KCTD16: variants seen among roughly 807,000 people sequenced by gnomAD.
KCTD16 encodes potassium channel tetramerization domain containing 16.
In KCTD16, 13 loss-of-function variants were observed where a neutral mutation model predicts 33.2. That is an observed-to-expected ratio of 0.39 (90% CI 0.25 to 0.62). The LOEUF (loss-of-function observed/expected upper bound fraction) is 0.62, where lower values mean the gene tolerates loss of function less well. KCTD16 is among the 20% of genes least tolerant of loss of function. KCTD16 has a pLI of 0.50. For synonymous variants in KCTD16, 197 were observed against 195.3 expected (o/e 1.01, Z -0.07); for missense variants, 441 against 525.1 (o/e 0.84, Z 1.57).
intron 2 of KCTD16, among the ~76,000 whole-genome samples, chr5:144,182,172 G>C (rs2126774347): frequency 6.6e-6 from 1 of 151,844 alleles, no homozygotes; most frequent in East Asian, 1.9e-4. Context: ...TGTTAGTTAT[G>C]GCAGGAGTGG....
intron 3 of KCTD16, among the ~76,000 whole-genome samples, chr5:144,272,558 T>C (rs186430587): frequency 6.6e-6 from 1 of 152,230 alleles, no homozygotes; most frequent in East Asian, 1.9e-4. Flanking sequence ...TACTACATGA[T>C]TTCAAAATTT....
intron 3 of KCTD16, among the ~76,000 whole-genome samples, chr5:144,225,765 TA>T (rs1231179068): frequency 6.6e-6 from 1 of 152,206 alleles, no homozygotes; most frequent in Non-Finnish European, 1.5e-5. Context: ...AAACTCTGTT[TA>T]AATCATAAAA....
rs571674651 is a variant in KCTD16 at position 144,278,072 on chromosome 5, G to A, written c.832+70526G>A. ...TTTTCTTTTATGGGCTGTGCTTTTGGTAGTGTATCTAAGAACTCTTTGTCT... is the reference window on the plus strand; with the variant it reads ...TTTTCTTTTATGGGCTGTGCTTTTGATAGTGTATCTAAGAACTCTTTGTCT... On this transcript the variant is annotated intron_variant, in intron 3 of 3. Transcript: ENST00000512467. 1.6e-4 allele frequency among the ~76,000 whole-genome samples: 25 copies of A among 152,226 alleles called. No homozygotes were observed. The South Asian group carries it at 4.8e-3, about 29-fold the overall frequency.
intron 3 of KCTD16, among the ~76,000 whole-genome samples, chr5:144,444,948 AG>A (rs1339284432): frequency 6.7e-6 from 1 of 149,538 alleles, no homozygotes; most frequent in East Asian, 1.9e-4. Flanking sequence ...AATGCTATAT[AG>A]TATTTATAAT....
intron 2 of KCTD16, among the ~76,000 whole-genome samples, chr5:144,195,130 T>C (rs1005307800): frequency 6.6e-6 from 1 of 152,214 alleles, no homozygotes; most frequent in Non-Finnish European, 1.5e-5. Flanking sequence ...GAAATAGTGC[T>C]TGAAATCCTC....
intron 3 of KCTD16, among the ~76,000 whole-genome samples, chr5:144,267,046 TA>T (rs1755165420): frequency 6.6e-6 from 1 of 152,198 alleles, no homozygotes; most frequent in African/African-American, 2.4e-5. Flanking sequence ...GCAGTAATTA[TA>T]AAATTAAATC....
chr5:144,348,613 T>C (rs1009341316), intron 3 of KCTD16, among the ~76,000 whole-genome samples: 49 of 152,232 alleles, frequency 3.2e-4, no homozygotes, highest in African/African-American at 1.1e-3. Context: ...TAGCTTCTCA[T>C]TTTTCCGTGC....
chr5:144,454,357 A>G (rs1347202031), intron 3 of KCTD16, among the ~76,000 whole-genome samples: 1 of 152,172 alleles, frequency 6.6e-6, no homozygotes, highest in African/African-American at 2.4e-5. Flanking sequence ...TCACATGGGA[A>G]TGGAATAAAT....
intron 3 of KCTD16, among the ~76,000 whole-genome samples, chr5:144,469,911 C>G (rs1443107432): frequency 2.7e-5 from 4 of 150,806 alleles, no homozygotes; most frequent in African/African-American, 9.8e-5. Flanking sequence ...CTATTAGGCT[C>G]TCTGACCAGC....
At chr5:144,172,122 C>T (rs1172388006) in intron 1 of KCTD16, among the ~76,000 whole-genome samples, 1 of 152,026 alleles carries the variant, frequency 6.6e-6, no homozygotes, top group Non-Finnish European at 1.5e-5. Flanking sequence ...ACCCCCCACC[C>T]CAATAAAACA....
At chr5:144,355,050 T>G (rs1751541462) in intron 3 of KCTD16, among the ~76,000 whole-genome samples, 1 of 152,170 alleles carries the variant, frequency 6.6e-6, no homozygotes, top group African/African-American at 2.4e-5. Flanking sequence ...ATCAACCTAA[T>G]TTTACAAATG....
intron 3 of KCTD16, among the ~76,000 whole-genome samples, chr5:144,328,065 C>A (rs1186654612): frequency 9.2e-5 from 14 of 152,126 alleles, no homozygotes; most frequent in Admixed American, 9.2e-4. Context: ...AATTGGTTTA[C>A]TTTCTCTCCT....
At chr5:144,273,067 T>A (rs543769950) in intron 3 of KCTD16, among the ~76,000 whole-genome samples, 2 of 152,126 alleles carry the variant, frequency 1.3e-5, no homozygotes, top group Non-Finnish European at 2.9e-5. Flanking sequence ...TATTTATCAA[T>A]CATGTATCTG....
chr5:144,179,624 G>A (rs1752576882), intron 2 of KCTD16, among the ~76,000 whole-genome samples: 1 of 152,178 alleles, frequency 6.6e-6, no homozygotes, highest in East Asian at 1.9e-4. Context: ...ATCAGAACAA[G>A]GGATTTGATC....
intron 3 of KCTD16, among the ~76,000 whole-genome samples, chr5:144,417,628 TTTTATTTTG>T (rs1456278164): frequency 6.6e-6 from 1 of 151,486 alleles, no homozygotes; most frequent in Non-Finnish European, 1.5e-5. Context: ...TACAATTTAT[TTTTATTTTG>T]TTTTTGTTTT....
intron 3 of KCTD16, among the ~76,000 whole-genome samples, chr5:144,251,421 A>C (rs1754697349): frequency 6.6e-6 from 1 of 152,206 alleles, no homozygotes; most frequent in Non-Finnish European, 1.5e-5. Context: ...GAGATATTAC[A>C]TATTCATTAG....
chr5:144,267,664 C>A (rs1268690830), intron 3 of KCTD16, among the ~76,000 whole-genome samples: 1 of 152,074 alleles, frequency 6.6e-6, no homozygotes, highest in Non-Finnish European at 1.5e-5. Flanking sequence ...TACAAAGTTT[C>A]CACAGAGGAT....
intron 3 of KCTD16, among the ~76,000 whole-genome samples, chr5:144,429,300 C>A (rs1561604905): frequency 1.3e-5 from 2 of 152,112 alleles, no homozygotes; most frequent in Non-Finnish European, 2.9e-5. Flanking sequence ...AGGATACTGG[C>A]ATGCCTTGCA....
chr5:144,351,880 G>A (rs573767977), intron 3 of KCTD16, among the ~76,000 whole-genome samples: 1 of 152,228 alleles, frequency 6.6e-6, no homozygotes, highest in East Asian at 1.9e-4. Context: ...CAGAGGCTGT[G>A]GGGTGGGGAA....
Sources: gnomAD v4.1 joint callset for allele counts (sites outside exome capture counted in the v4.1 genomes callset) on GRCh38, gnomAD v4.1.1 for gene constraint, MANE v1.5 for transcripts, NCBI Gene and HGNC (gene_info 2026-07-23, HGNC 2026-07-21) for gene names.